TGFA: variants seen among roughly 807,000 people sequenced by gnomAD.
TGFA encodes the protein transforming growth factor alpha.
A neutral mutation model predicts 21.7 loss-of-function variants in TGFA; 12 were observed. The observed-to-expected ratio is 0.55, with a 90% CI of 0.35 to 0.90. TGFA has a LOEUF of 0.90. Among genes scored for constraint, TGFA ranks in the 40% least tolerant of loss-of-function variants. The pLI is 0.01. For synonymous variants in TGFA, 79 were observed against 88.1 expected, an observed-to-expected ratio of 0.90 and a Z score of 0.58; for missense variants, 178 against 210.8, an observed-to-expected ratio of 0.84 and a Z score of 0.96.
At chr2:70,538,408 T>C (rs1673036782) in intron 1 of TGFA, among the ~76,000 whole-genome samples, 1 of 152,192 alleles carries the variant, frequency 6.6e-6, no homozygotes, top group African/African-American at 2.4e-5. Context: ...TGGGTCTGGG[T>C]AAAGTAAATT....
chr2:70,512,797 AG>A (rs1444392824), intron 2 of TGFA, among the ~76,000 whole-genome samples: 12 of 152,266 alleles, frequency 7.9e-5, no homozygotes, highest in Non-Finnish European at 1.6e-4. Context: ...GACTTGGAGG[AG>A]GGGGTCAAAT....
Position 70,476,080 on chromosome 2 carries a change from CAAAAAAAA to C in TGFA, c.95-10352_95-10345del, listed in dbSNP as rs1175233983. ...CTACCTTGGTCTTAGTAATTTTAAG[CAAAAAAAA>C]AAAAAAAAAAAAAAAAAAATTAAGA... On this transcript the variant is annotated intron_variant, in intron 2 of 5. Transcript: ENST00000295400. 4.2e-3 allele frequency among the ~76,000 whole-genome samples: 231 copies of C among 55,656 alleles called. 3 individuals carry two copies. The highest frequency in any genetic ancestry group is 0.016 in the African/African-American group (227 of 14,432). The allele number at this position is 55,656 out of a possible 152,430, so 36.5% of individuals were successfully genotyped here.
At chr2:70,535,970 C>A (rs11466202) in intron 1 of TGFA, among the ~76,000 whole-genome samples, 200 of 152,280 alleles carry the variant, frequency 1.3e-3, no homozygotes, top group African/African-American at 4.7e-3. Context: ...GTCCAGGAAA[C>A]TGGAGTAATG....
chr2:70,454,710 A>G (rs1670171528), intron 4 of TGFA, among the ~76,000 whole-genome samples: 1 of 152,148 alleles, frequency 6.6e-6, no homozygotes, highest in Admixed American at 6.5e-5. Flanking sequence ...GGCAGGAGTG[A>G]GAGCTTAGTC....
At chr2:70,545,041 G>A (rs1415148714) in intron 1 of TGFA, among the ~76,000 whole-genome samples, 2 of 152,138 alleles carry the variant, frequency 1.3e-5, no homozygotes, top group African/African-American at 4.8e-5. Context: ...TATCACAAGG[G>A]ATAAATGCTT....
intron 1 of TGFA, among the ~76,000 whole-genome samples, chr2:70,521,525 T>C (rs1192814918): frequency 2.0e-5 from 3 of 151,642 alleles, no homozygotes; most frequent in Non-Finnish European, 4.4e-5. Context: ...GAGAGACACA[T>C]GAGAAAAATG....
intron 1 of TGFA, among the ~76,000 whole-genome samples, chr2:70,532,768 TC>T (rs1183628788): frequency 6.6e-6 from 1 of 152,016 alleles, no homozygotes; most frequent in Non-Finnish European, 1.5e-5. Flanking sequence ...AGGCAGTTCC[TC>T]CCCCAGAGGA....
In TGFA at chr2:70,453,180, A is replaced by G. The variant is rs782774951; in HGVS notation, c.475+38T>C. On this transcript the variant is annotated intron_variant, in intron 5 of 5. Coordinates refer to ENST00000295400, the MANE Select transcript of TGFA (RefSeq NM_003236.4). ...CTTGGAGAAGGTGGTCGTTTTCTCC[A>G]CCCAATAGTGTCTCCCACCAGAGAA... 1.9e-6 allele frequency: 3 copies of G among 1,581,170 alleles called. No individual in the cohort carries two copies. The South Asian group carries it at 3.3e-5, about 18-fold the overall frequency.
At chr2:70,509,553 G>A (rs1377038305) in intron 2 of TGFA, among the ~76,000 whole-genome samples, 1 of 152,116 alleles carries the variant, frequency 6.6e-6, no homozygotes, top group Non-Finnish European at 1.5e-5. Context: ...CCTCACCTCT[G>A]AGAAGCCTCC....
At chr2:70,511,469 C>G (rs1461252777) in intron 2 of TGFA, among the ~76,000 whole-genome samples, 1 of 152,032 alleles carries the variant, frequency 6.6e-6, no homozygotes, top group Non-Finnish European at 1.5e-5. Flanking sequence ...ACAGTGTTCA[C>G]CTGAAAAGAA....
chr2:70,520,481 T>C (rs1047631418), intron 1 of TGFA, among the ~76,000 whole-genome samples: 4 of 151,606 alleles, frequency 2.6e-5, no homozygotes, highest in Non-Finnish European at 4.4e-5. Context: ...GCCACTGCAC[T>C]CCAGCCTGGG....
Position 70,475,630 on chromosome 2 carries a change from G to A in TGFA, c.95-9894C>T, listed in dbSNP as rs906562181. ...GAAAATAACAAATCAGGAATTACCA[G>A]GAAAATTTAGGGGCATTTTAGAATT... On this transcript the variant is annotated intron_variant, in intron 2 of 5. Coordinates refer to ENST00000295400, the MANE Select transcript of TGFA (RefSeq NM_003236.4). Among the ~76,000 whole-genome samples, 14 of 152,192 alleles carry A rather than the reference G, an allele frequency of 9.2e-5. No homozygotes were observed. In the East Asian group the frequency reaches 2.7e-3, roughly 29 times the overall value.
At position 70,456,504 on chromosome 2, in the gene TGFA, A is replaced by C. The variant is rs1553490588; in HGVS notation, c.216-16T>G. ...AGAATGGCAGCTGGGGAAGAAAGGA[A>C]CGTCAGTGCACTCTCCTGACAAAAG... On this transcript the variant is annotated splice_polypyrimidine_tract_variant and intron_variant, in intron 3 of 5. Transcript: ENST00000295400. The C allele has an allele frequency of 1.9e-6, 3 of 1,590,982 alleles. No individual in the cohort carries two copies. The Admixed American group carries it at 5.2e-5, about 28-fold the overall frequency.
At chr2:70,545,551 C>T (rs782587589) in intron 1 of TGFA, among the ~76,000 whole-genome samples, 31 of 152,118 alleles carry the variant, frequency 2.0e-4, no homozygotes, top group Non-Finnish European at 4.0e-4. Flanking sequence ...AACTGGTTAA[C>T]TGTTTCAAAA....
chr2:70,473,804 G>A (rs143977793), intron 2 of TGFA, among the ~76,000 whole-genome samples: 3 of 152,084 alleles, frequency 2.0e-5, no homozygotes, highest in Non-Finnish European at 4.4e-5. Context: ...AGTTTAGCCT[G>A]CAGTACCATC....
intron 2 of TGFA, among the ~76,000 whole-genome samples, chr2:70,500,686 G>GTGC (rs1354919237): frequency 2.6e-5 from 4 of 152,136 alleles, no homozygotes; most frequent in Admixed American, 1.3e-4. Context: ...AGACTGTCTG[G>GTGC]TGCTACCTCC....
chr2:70,451,028 C>G (rs535474768), intron 5 of TGFA, among the ~76,000 whole-genome samples, 162 bp from the exon 6 acceptor site: 1 of 152,136 alleles, frequency 6.6e-6, no homozygotes, highest in African/African-American at 2.4e-5. Flanking sequence ...TCTCAGGGAC[C>G]GCAACCTCTG....
intron 2 of TGFA, among the ~76,000 whole-genome samples, chr2:70,490,970 C>T (rs1553497491): frequency 6.6e-6 from 1 of 152,122 alleles, no homozygotes; most frequent in Non-Finnish European, 1.5e-5. Context: ...GTTCAGGTTT[C>T]CCCAAGCAGA....
At chr2:70,533,644 G>A (rs1462021104) in intron 1 of TGFA, among the ~76,000 whole-genome samples, 1 of 152,086 alleles carries the variant, frequency 6.6e-6, no homozygotes, top group Non-Finnish European at 1.5e-5. Context: ...CTTGTTAACT[G>A]TGTTAACTAT....
Sources: allele counts gnomAD v4.1 joint callset (sites outside exome capture counted in the v4.1 genomes callset), GRCh38; gene constraint gnomAD v4.1.1; transcripts MANE v1.5; gene names NCBI Gene and HGNC (gene_info 2026-07-23, HGNC 2026-07-21).